ZWILCH: variants seen among roughly 807,000 people sequenced by gnomAD.
ZWILCH encodes the protein zwilch kinetochore protein.
A neutral mutation model predicts 79.9 loss-of-function variants in ZWILCH; 74 were observed. The observed-to-expected ratio is 0.93, with a 90% CI of 0.77 to 1.12. The LOEUF (loss-of-function observed/expected upper bound fraction) is 1.12, where lower values mean the gene tolerates loss of function less well. Among genes scored for constraint, ZWILCH ranks in the 50% most tolerant of loss-of-function variants. The pLI is 0.00. For missense variants in ZWILCH, 694 were observed against 687.5 expected, an observed-to-expected ratio of 1.01 and a Z score of -0.11; for synonymous variants, 241 against 228.2, an observed-to-expected ratio of 1.06 and a Z score of -0.51.
At chr15:66,536,138 G>T in intron 15 of ZWILCH, 69 bp downstream of exon 15, 2 of 1,379,412 alleles carry the variant, frequency 1.4e-6, no homozygotes, top group Admixed American at 2.5e-5. Context: ...GCCTAAATAT[G>T]TACAGTTTTT....
chr15:66,532,181 C>A, intron 12 of ZWILCH, 66 bp from the exon 13 acceptor site: 1 of 1,274,874 alleles, frequency 7.8e-7, no homozygotes, highest in Admixed American at 3.0e-5. Flanking sequence ...TAATTTGCTT[C>A]TCTTTTACTT....
intron 14 of ZWILCH, among the ~76,000 whole-genome samples, chr15:66,534,800 T>G (rs1214468787): frequency 6.6e-6 from 1 of 152,204 alleles, no homozygotes; most frequent in East Asian, 1.9e-4. Flanking sequence ...AGAACATTAC[T>G]GTACACTATT....
chr15:66,516,215 A>G (rs1894249448), intron 4 of ZWILCH, among the ~76,000 whole-genome samples: 1 of 152,204 alleles, frequency 6.6e-6, no homozygotes, highest in African/African-American at 2.4e-5. Flanking sequence ...CTCCTGCACA[A>G]TGAGCAGTTA....
intron 17 of ZWILCH, among the ~76,000 whole-genome samples, chr15:66,545,976 G>T (rs1218212761): frequency 1.3e-5 from 2 of 152,196 alleles, no homozygotes; most frequent in Non-Finnish European, 2.9e-5. Flanking sequence ...AGAGAGAAAT[G>T]TGTACTTTTA....
chr15:66,529,596 G>C, intron 12 of ZWILCH, 23 bp downstream of exon 12: 1 of 1,569,622 alleles, frequency 6.4e-7, no homozygotes, highest in Non-Finnish European at 8.8e-7. Flanking sequence ...GTGTGTGTCA[G>C]ATCATTTTCT....
chr15:66,520,782 T>C, intron 6 of ZWILCH, 122 bp downstream of exon 6: 1 of 742,696 alleles, frequency 1.3e-6, no homozygotes, highest in Non-Finnish European at 2.2e-6. Context: ...TGAAAATGTT[T>C]ATGTTTATTT....
At chr15:66,544,578 A>G (rs981725611) in intron 17 of ZWILCH, among the ~76,000 whole-genome samples, 2 of 152,004 alleles carry the variant, frequency 1.3e-5, no homozygotes, top group African/African-American at 4.8e-5. Context: ...GAGCTGAAAT[A>G]TTCCCCCTGG....
intron 13 of ZWILCH, 112 bp downstream of exon 13, chr15:66,532,515 G>T: frequency 2.2e-6 from 2 of 902,640 alleles, no homozygotes; most frequent in Non-Finnish European, 3.2e-6. Flanking sequence ...GTCCTTCCTG[G>T]CTTTGTACCT....
chr15:66,542,534 A>G (rs62011928), intron 17 of ZWILCH, among the ~76,000 whole-genome samples: 10,528 of 152,220 alleles, frequency 0.069, 426 homozygotes, highest in Middle Eastern at 0.11. Flanking sequence ...GCTGTGAGCC[A>G]AGATCGCGCC....
Position 66,532,418 on chromosome 15 carries a change from T to C in ZWILCH, c.1312+15T>C. 4 of 1,586,940 alleles carry C rather than the reference T, an allele frequency of 2.5e-6. No homozygotes were observed. Among genetic ancestry groups the C allele is most frequent in the Middle Eastern group, 1.7e-4 (1 of 5,928 alleles). On this transcript the variant is annotated intron_variant, in intron 13 of 18. Transcript: ENST00000307897. Reference sequence around the variant, plus strand: ...TTTTTTCATAGGTAAGTATCTTTCCTGGCTCAAAAAATTAAAAAACACATC... The same window carrying C: ...TTTTTTCATAGGTAAGTATCTTTCCCGGCTCAAAAAATTAAAAAACACATC...
chr15:66,505,944 C>T (rs946908337), intron 1 of ZWILCH, among the ~76,000 whole-genome samples: 1 of 152,142 alleles, frequency 6.6e-6, no homozygotes, highest in African/African-American at 2.4e-5. Flanking sequence ...GTTCTGCATC[C>T]TATGTAAAAA....
chr15:66,520,717 C>T, intron 6 of ZWILCH, 57 bp downstream of exon 6: 1 of 1,176,450 alleles, frequency 8.5e-7, no homozygotes, highest in Admixed American at 2.5e-5. Flanking sequence ...AACCTGCCTT[C>T]CTAGTTTACA....
At chr15:66,539,564 G>A (rs1162971818) in intron 16 of ZWILCH, among the ~76,000 whole-genome samples, 2 of 152,084 alleles carry the variant, frequency 1.3e-5, no homozygotes, top group Non-Finnish European at 2.9e-5. Flanking sequence ...ACTGCGCTCT[G>A]CCTCTGTTAT....
At chr15:66,535,823 A>G (rs1458265521) in intron 14 of ZWILCH, 110 bp from the exon 15 acceptor site, 13 of 843,128 alleles carry the variant, frequency 1.5e-5, no homozygotes, top group Admixed American at 3.5e-5. Flanking sequence ...TTTTTTTTTA[A>G]TGCCTGTTAT....
Position 66,528,910 on chromosome 15 carries a change from G to A in ZWILCH, c.1028G>A (p.Arg343Gln), listed in dbSNP as rs200970538. 5.0e-6 allele frequency: 8 copies of A among 1,614,058 alleles called. 1 individual carries two copies. The South Asian group carries it at 7.7e-5, about 16-fold the overall frequency. ...DRSVKRLFKV[R>Q]SDLDFAEQLW... is the part of the protein sequence containing the mutation. Reference sequence around the variant, plus strand: ...TCCGTCAAGCGTCTTTTCAAAGTTCGGAGTGATCTTGATTTTGCTGAGCAA... The same window carrying A: ...TCCGTCAAGCGTCTTTTCAAAGTTCAGAGTGATCTTGATTTTGCTGAGCAA... The change falls in exon 11 of 19, where the codon CGG becomes CAG. Residue 343 changes from arginine (R) to glutamine (Q), a missense_variant. Transcript: ENST00000307897.
intron 3 of ZWILCH, 59 bp downstream of exon 3, chr15:66,514,142 G>A: frequency 8.2e-7 from 1 of 1,226,002 alleles, no homozygotes; most frequent in Non-Finnish European, 1.2e-6. Flanking sequence ...TTGGTTTCTT[G>A]GGAATAATCT....
At chr15:66,521,252 T>C (rs1003800943) in intron 7 of ZWILCH, 47 bp downstream of exon 7, 6 of 1,593,696 alleles carry the variant, frequency 3.8e-6, no homozygotes, top group Non-Finnish European at 4.3e-6. Context: ...GACTCCTAAA[T>C]GTTGGCTTAC....
At chr15:66,512,101 TATC>T (rs1268952583) in intron 2 of ZWILCH, among the ~76,000 whole-genome samples, 1 of 152,136 alleles carries the variant, frequency 6.6e-6, no homozygotes, top group African/African-American at 2.4e-5. Context: ...ACTACTAAAA[TATC>T]ATATAATATG....
chr15:66,508,991 G>C, intron 2 of ZWILCH, 99 bp downstream of exon 2: 1 of 1,312,996 alleles, frequency 7.6e-7, no homozygotes, highest in Non-Finnish European at 1.1e-6. Flanking sequence ...CCAGGCTGGA[G>C]TGCAGTGGCG....
Sources: allele counts gnomAD v4.1 joint callset (sites outside exome capture counted in the v4.1 genomes callset), GRCh38; gene constraint gnomAD v4.1.1; transcripts MANE v1.5; gene names NCBI Gene and HGNC (gene_info 2026-07-23, HGNC 2026-07-21).